SNX29: variants seen among roughly 807,000 people sequenced by gnomAD.
SNX29 encodes the protein sorting nexin 29, also known as sorting nexin-29.
Under a neutral mutation model 102.1 loss-of-function variants are expected in SNX29, and 78 were observed. That is an observed-to-expected ratio of 0.76 (90% CI 0.64 to 0.92). SNX29 has a LOEUF of 0.92. Among genes scored for constraint, SNX29 ranks in the 40% least tolerant of loss-of-function variants. The pLI is 0.00. For missense variants in SNX29, 1,280 were observed against 1,061.7 expected, an observed-to-expected ratio of 1.21 and a Z score of -2.86; for synonymous variants, 580 against 414.5, an observed-to-expected ratio of 1.40 and a Z score of -4.85.
chr16:12,283,823 G>A (rs1415874504), intron 15 of SNX29, among the ~76,000 whole-genome samples: 1 of 152,214 alleles, frequency 6.6e-6, no homozygotes, highest in Admixed American at 6.5e-5. Context: ...CCACAGGCCT[G>A]GAGCTGTGTC....
At chr16:12,103,946 C>T (rs2053126117) in intron 11 of SNX29, among the ~76,000 whole-genome samples, 1 of 152,158 alleles carries the variant, frequency 6.6e-6, no homozygotes, top group Non-Finnish European at 1.5e-5. Flanking sequence ...TTCCTAGAGT[C>T]CTAATTATGT....
At chr16:12,567,280 G>C (rs994260564) in intron 20 of SNX29, among the ~76,000 whole-genome samples, 2 of 150,814 alleles carry the variant, frequency 1.3e-5, no homozygotes, top group African/African-American at 5.0e-5. Context: ...AGTGGATCCA[G>C]GACTTACATC....
intron 17 of SNX29, among the ~76,000 whole-genome samples, chr16:12,402,444 C>A (rs960476857): frequency 2.0e-5 from 3 of 152,224 alleles, no homozygotes; most frequent in Admixed American, 1.3e-4. Context: ...AGCCCTGGAA[C>A]AGCTCTAATT....
intron 14 of SNX29, among the ~76,000 whole-genome samples, chr16:12,216,242 A>G (rs555792832): frequency 6.6e-6 from 1 of 152,230 alleles, no homozygotes; most frequent in African/African-American, 2.4e-5. Flanking sequence ...ATTTTGGAAT[A>G]TATTTTTCCG....
intron 3 of SNX29, among the ~76,000 whole-genome samples, chr16:12,012,340 G>C (rs539771499): frequency 6.6e-6 from 1 of 152,140 alleles, no homozygotes; most frequent in Non-Finnish European, 1.5e-5. Context: ...CAGTTGGAAA[G>C]TCAGCAGGTT....
chr16:12,013,542 T>TATAGAGAGAGAGAGAGAGAGAGAGAG (rs1382498593), intron 3 of SNX29, among the ~76,000 whole-genome samples: 3 of 109,074 alleles, frequency 2.8e-5, no homozygotes, highest in African/African-American at 7.0e-5. Context: ...TATATATATA[T>TATAGAGAGAGAGAGAGAGAGAGAGAG]CGAGAGAGGA....
In SNX29 at chr16:12,185,281, C is replaced by G. The variant is rs547539381; in HGVS notation, c.1596-14320C>G. ...GGATCTTTGGGGGAACTGGAGGGTA[C>G]TTGGCTGGTCTAAAGGGGCATCAAG... On this transcript the variant is annotated intron_variant, in intron 13 of 20. Transcript: ENST00000566228. 9.2e-4 allele frequency among the ~76,000 whole-genome samples: 140 copies of G among 152,234 alleles called. 1 individual carries two copies. The highest frequency in any genetic ancestry group is 3.1e-3 in the African/African-American group (130 of 41,542).
chr16:12,128,888 C>T (rs138629067), intron 12 of SNX29, among the ~76,000 whole-genome samples: 1 of 152,208 alleles, frequency 6.6e-6, no homozygotes, highest in Non-Finnish European at 1.5e-5. Flanking sequence ...ATGGTTGGCT[C>T]TCTCCTAGGC....
chr16:12,265,215 C>T (rs906278143), intron 14 of SNX29, among the ~76,000 whole-genome samples: 9 of 152,184 alleles, frequency 5.9e-5, no homozygotes, highest in Non-Finnish European at 1.2e-4. Flanking sequence ...GCACAGCTGT[C>T]CGCATGTTTT....
rs1210836268 is a variant in SNX29 at position 12,573,995 on chromosome 16, G to T, written c.*5366G>T. 2 of 198,306 alleles carry T rather than the reference G, an allele frequency of 1.0e-5. No individual in the cohort carries two copies. Among genetic ancestry groups the T allele is most frequent in the African/African-American group, 4.6e-5 (2 of 43,374 alleles). 12.3% of individuals were successfully genotyped at this position (198,306 alleles called of 1,614,324 possible). A position where few individuals can be genotyped will look rare whatever the true frequency, so the allele number is the denominator to read the frequency against. On this transcript the variant is annotated 3_prime_UTR_variant, in exon 21 of 21. Transcript: ENST00000566228. ...AGGGGGCGCCCATGATCGGCTCCCAGTGCACCCCCTTAAGGGTAAGCAGGC... is the reference window on the plus strand; with the variant it reads ...AGGGGGCGCCCATGATCGGCTCCCATTGCACCCCCTTAAGGGTAAGCAGGC...
chr16:12,455,956 A>G (rs2086519948), intron 18 of SNX29, among the ~76,000 whole-genome samples: 1 of 152,074 alleles, frequency 6.6e-6, no homozygotes, highest in Non-Finnish European at 1.5e-5. Context: ...AGGGGTTTCC[A>G]TCTTGGTTCT....
chr16:12,436,381 C>T (rs573862755), intron 18 of SNX29, among the ~76,000 whole-genome samples: 3 of 152,336 alleles, frequency 2.0e-5, no homozygotes, highest in African/African-American at 7.2e-5. Flanking sequence ...GACAGCTTGG[C>T]GTCAGTGCGA....
chr16:12,135,430 G>A, intron 13 of SNX29: 1 of 1,047,460 alleles, frequency 9.5e-7, no homozygotes, highest in Non-Finnish European at 1.3e-6. Flanking sequence ...TGGACAGTTG[G>A]GTTGCTCCAT....
chr16:12,545,001 C>G (rs192443759), intron 20 of SNX29, among the ~76,000 whole-genome samples: 7 of 152,248 alleles, frequency 4.6e-5, no homozygotes, highest in African/African-American at 1.4e-4. Context: ...GGTGGCACAG[C>G]TAGGAAGCAG....
chr16:12,278,729 C>A lies in SNX29; in HGVS notation c.1782+693C>A, dbSNP rs573456836. Among the ~76,000 whole-genome samples the A allele has an allele frequency of 4.6e-5, 7 of 152,158 alleles. 1 individual carries two copies. Among genetic ancestry groups the A allele is most frequent in the African/African-American group, 1.7e-4 (7 of 41,442 alleles). On this transcript the variant is annotated intron_variant, in intron 15 of 20. Transcript: ENST00000566228. Reference sequence around the variant, plus strand: ...AAAAAAGAAAACTATCAAATAGAATCATTTGTGTATAAGATGTACAAAAAT... The same window carrying A: ...AAAAAAGAAAACTATCAAATAGAATAATTTGTGTATAAGATGTACAAAAAT...
intron 18 of SNX29, among the ~76,000 whole-genome samples, chr16:12,414,192 A>C (rs1332349966): frequency 6.6e-6 from 1 of 152,192 alleles, no homozygotes; most frequent in Non-Finnish European, 1.5e-5. Context: ...ACCCACTGAT[A>C]CGGAGGGCTG....
At chr16:12,539,323 T>A (rs2077219104) in intron 20 of SNX29, among the ~76,000 whole-genome samples, 1 of 152,014 alleles carries the variant, frequency 6.6e-6, no homozygotes, top group African/African-American at 2.4e-5. Context: ...TCTAGTTTTG[T>A]CTTTTCAAGA....
chr16:12,008,532 G>A (rs1380209645), intron 3 of SNX29, among the ~76,000 whole-genome samples: 4 of 151,968 alleles, frequency 2.6e-5, no homozygotes, highest in Admixed American at 1.3e-4. Context: ...GCCTCCCAAA[G>A]TGCTGGGATT....
chr16:12,201,297 C>G (rs998355488), intron 14 of SNX29, among the ~76,000 whole-genome samples: 1 of 152,158 alleles, frequency 6.6e-6, no homozygotes, highest in Non-Finnish European at 1.5e-5. Context: ...GTTTTTACAT[C>G]TCATCTCTGT....
Sources: gnomAD v4.1 joint callset for allele counts (sites outside exome capture counted in the v4.1 genomes callset) on GRCh38, gnomAD v4.1.1 for gene constraint, MANE v1.5 for transcripts, NCBI Gene and HGNC (gene_info 2026-07-23, HGNC 2026-07-21) for gene names.